CDH13: variants seen among roughly 807,000 people sequenced by gnomAD.
The protein encoded by CDH13 is cadherin 13.
Under a neutral mutation model 63.8 loss-of-function variants are expected in CDH13, and 24 were observed. The observed-to-expected ratio is 0.38, with a 90% CI of 0.27 to 0.53. The LOEUF (loss-of-function observed/expected upper bound fraction) is 0.53, where lower values mean the gene tolerates loss of function less well. Among genes scored for constraint, CDH13 ranks in the 20% least tolerant of loss-of-function variants. CDH13 has a pLI of 0.85. For synonymous variants in CDH13, 503 were observed against 355.3 expected (o/e 1.42, Z -4.67); for missense variants, 1,049 against 903.1 (o/e 1.16, Z -2.07).
At chr16:82,874,757 C>G (rs1328715901) in intron 2 of CDH13, among the ~76,000 whole-genome samples, 1 of 151,992 alleles carries the variant, frequency 6.6e-6, no homozygotes, top group Non-Finnish European at 1.5e-5. Flanking sequence ...CTGCATTTTT[C>G]CATGGAAGGA....
At chr16:82,876,121 A>C (rs114559941) in intron 2 of CDH13, among the ~76,000 whole-genome samples, 2,020 of 152,330 alleles carry the variant, frequency 0.013, 56 homozygotes, top group African/African-American at 0.046. Context: ...GTCACTTCCT[A>C]CCGGTCCCTC....
chr16:82,709,666 T>A (rs1470203503), intron 1 of CDH13, among the ~76,000 whole-genome samples: 1 of 152,198 alleles, frequency 6.6e-6, no homozygotes, highest in Non-Finnish European at 1.5e-5. Flanking sequence ...AGATAATTAT[T>A]AGGACTTCAC....
In CDH13 at chr16:83,069,548, A is replaced by T. The variant is rs115904023; in HGVS notation, c.366+37330A>T. 6.6e-3 allele frequency among the ~76,000 whole-genome samples: 1,001 copies of T among 152,298 alleles called. 16 individuals are homozygous for T. Among genetic ancestry groups the T allele is most frequent in the African/African-American group, 0.021 (893 of 41,566 alleles). ...GCATGAAGAGGGTAAGTCACCATCC[A>T]AAGTCACCTATCTAAAAAATGCAAA... On this transcript the variant is annotated intron_variant, in intron 3 of 13. Coordinates refer to ENST00000567109, the MANE Select transcript of CDH13 (RefSeq NM_001257.5).
chr16:82,670,972 C>G (rs1030806734), intron 1 of CDH13, among the ~76,000 whole-genome samples: 1 of 152,140 alleles, frequency 6.6e-6, no homozygotes, highest in Non-Finnish European at 1.5e-5. Context: ...ATATCAATAA[C>G]ACAATGATGA....
At chr16:83,160,269 G>A (rs774198215) in intron 4 of CDH13, among the ~76,000 whole-genome samples, 5 of 151,958 alleles carry the variant, frequency 3.3e-5, no homozygotes, top group Non-Finnish European at 7.4e-5. Flanking sequence ...TAATGAGGGA[G>A]GCTACATGTG....
chr16:82,837,595 C>T (rs2038822868), intron 1 of CDH13, among the ~76,000 whole-genome samples: 1 of 152,164 alleles, frequency 6.6e-6, no homozygotes, highest in African/African-American at 2.4e-5. Flanking sequence ...TACAAGATTT[C>T]CACAATCCCC....
chr16:83,492,305 A>C (rs1472662832), intron 7 of CDH13, among the ~76,000 whole-genome samples: 1 of 152,208 alleles, frequency 6.6e-6, no homozygotes, highest in African/African-American at 2.4e-5. Flanking sequence ...TTCTGATTTA[A>C]TGCTAATACT....
intron 1 of CDH13, among the ~76,000 whole-genome samples, chr16:82,730,235 G>A (rs748958232): frequency 2.6e-5 from 4 of 152,182 alleles, no homozygotes; most frequent in Non-Finnish European, 4.4e-5. Context: ...CTTTTGGCCG[G>A]TCTTGGCTTT....
At chr16:83,274,258 G>T (rs1440847724) in intron 5 of CDH13, among the ~76,000 whole-genome samples, 1 of 152,214 alleles carries the variant, frequency 6.6e-6, no homozygotes. Flanking sequence ...TTCAGCCAAG[G>T]CTGGAGGTGG....
intron 5 of CDH13, among the ~76,000 whole-genome samples, chr16:83,249,102 C>T (rs1344230310): frequency 6.6e-6 from 1 of 152,192 alleles, no homozygotes; most frequent in African/African-American, 2.4e-5. Context: ...CACAAATTCA[C>T]CAACTTTTCT....
intron 1 of CDH13, among the ~76,000 whole-genome samples, chr16:82,735,516 G>A (rs551807730): frequency 5.3e-5 from 8 of 152,292 alleles, no homozygotes; most frequent in Admixed American, 5.2e-4. Flanking sequence ...TACATGAGTG[G>A]GCAAATCAAG....
chr16:83,003,423 G>A (rs1293210321), intron 2 of CDH13, among the ~76,000 whole-genome samples: 1 of 151,616 alleles, frequency 6.6e-6, no homozygotes, highest in Non-Finnish European at 1.5e-5. Context: ...AAAAATCCAG[G>A]CTCATAAATA....
chr16:83,469,512 T>C (rs2073402019), intron 6 of CDH13, among the ~76,000 whole-genome samples: 1 of 152,072 alleles, frequency 6.6e-6, no homozygotes, highest in African/African-American at 2.4e-5. Flanking sequence ...TATTCAAGAG[T>C]CACCTTACAT....
chr16:83,239,719 C>G (rs1045695522), intron 5 of CDH13, among the ~76,000 whole-genome samples: 2 of 152,192 alleles, frequency 1.3e-5, no homozygotes, highest in African/African-American at 2.4e-5. Flanking sequence ...TTGGCTCTTA[C>G]TACCTATCAA....
intron 10 of CDH13, among the ~76,000 whole-genome samples, chr16:83,732,566 C>G (rs982411664): frequency 6.6e-6 from 1 of 152,224 alleles, no homozygotes; most frequent in Admixed American, 6.5e-5. Flanking sequence ...GGTTCTGTTT[C>G]TACACTAGTG....
chr16:83,226,442 G>T (rs2039841802), intron 5 of CDH13, among the ~76,000 whole-genome samples: 1 of 152,170 alleles, frequency 6.6e-6, no homozygotes, highest in Non-Finnish European at 1.5e-5. Flanking sequence ...GCAGGTGGGA[G>T]AACCCCACAT....
At position 82,644,546 on chromosome 16, in the gene CDH13, C is replaced by G. The variant is rs1909848354; in HGVS notation, c.45+17409C>G. 1.3e-5 allele frequency among the ~76,000 whole-genome samples: 2 copies of G among 152,138 alleles called. No homozygotes were observed. Among genetic ancestry groups the G allele is most frequent in the African/African-American group, 4.8e-5 (2 of 41,438 alleles). Reference sequence around the variant, plus strand: ...CCTAGAGCTGGTCCCCAGACCAGGCCCAGTGCACGAGTTTGGGTGCTGGAA... The same window carrying G: ...CCTAGAGCTGGTCCCCAGACCAGGCGCAGTGCACGAGTTTGGGTGCTGGAA... On this transcript the variant is annotated intron_variant, in intron 1 of 13. Transcript: ENST00000567109. This position sits in a 1 kb window ranked among gnomAD's most constrained non-coding sequence, Gnocchi z 5.7.
chr16:83,515,253 G>A (rs540439688), intron 7 of CDH13, among the ~76,000 whole-genome samples: 12 of 152,266 alleles, frequency 7.9e-5, no homozygotes, highest in Non-Finnish European at 1.6e-4. Flanking sequence ...AACCAACCCT[G>A]AGCCTCTTTG....
intron 7 of CDH13, among the ~76,000 whole-genome samples, chr16:83,498,470 A>G (rs1312226514): frequency 6.6e-6 from 1 of 152,190 alleles, no homozygotes; most frequent in Non-Finnish European, 1.5e-5. Context: ...CCTGAATTTG[A>G]GAATGGGGCT....
Sources: allele counts gnomAD v4.1 joint callset (sites outside exome capture counted in the v4.1 genomes callset), GRCh38; gene constraint gnomAD v4.1.1; non-coding constraint Gnocchi (gnomAD v3.1); transcripts MANE v1.5; gene names NCBI Gene and HGNC (gene_info 2026-07-23, HGNC 2026-07-21).